Variants in NFATC3 observed in about 807,000 individuals in gnomAD.
NFATC3 encodes the protein nuclear factor of activated T cells 3, also known as nuclear factor of activated T-cells, cytoplasmic 3.
Under a neutral mutation model 98.6 loss-of-function variants are expected in NFATC3, and 46 were observed. The ratio of observed to expected loss-of-function variants is 0.47; its 90% CI spans 0.37 to 0.60. The LOEUF is 0.60. Ranked by LOEUF, NFATC3 falls within the 20% of genes least tolerant of loss-of-function variation. The probability of loss-of-function intolerance (pLI) is 0.00; values close to 1 mark genes in which losing one functional copy is unlikely to be tolerated. For synonymous variants in NFATC3, 512 were observed against 472.2 expected, an observed-to-expected ratio of 1.08 and a Z score of -1.09; for missense variants, 1,256 against 1,295.5, an observed-to-expected ratio of 0.97 and a Z score of 0.47.
chr16:68,145,129 C>G (rs1316356302), intron 3 of NFATC3, among the ~76,000 whole-genome samples: 2 of 151,060 alleles, frequency 1.3e-5, no homozygotes, highest in African/African-American at 4.9e-5. Context: ...TTCTTTCTCT[C>G]TCTCTTTTTT....
intron 9 of NFATC3, among the ~76,000 whole-genome samples, chr16:68,196,985 G>C (rs2040703486): frequency 6.6e-6 from 1 of 152,070 alleles, no homozygotes; most frequent in Admixed American, 6.6e-5. Flanking sequence ...AGCCGAGATT[G>C]CGCCATTGCA....
intron 4 of NFATC3, among the ~76,000 whole-genome samples, chr16:68,159,243 AAAAC>A (rs1210784025): frequency 3.9e-5 from 6 of 152,078 alleles, no homozygotes; most frequent in Non-Finnish European, 8.8e-5. Flanking sequence ...TTAAAAACAA[AAAAC>A]AAACAAAGCA....
chr16:68,102,330 C>CTACT (rs2035410269), intron 1 of NFATC3, among the ~76,000 whole-genome samples: 1 of 131,426 alleles, frequency 7.6e-6, no homozygotes, highest in Admixed American at 8.7e-5. Context: ...CGAGATTGCA[C>CTACT]TACTGCACTC....
rs1280444105 is a variant in NFATC3 at position 68,202,578 on chromosome 16, G to A, written c.3106+10803G>A. ...TGTAATCCCAGCACTTTGGGAGGCC[G>A]AGGCAGGTAGATCGCCTGAGGTCAA... On this transcript the variant is annotated intron_variant, in intron 9 of 9. Coordinates refer to ENST00000346183, the MANE Select transcript of NFATC3 (RefSeq NM_173165.3). Among the ~76,000 whole-genome samples, 11 of 152,242 alleles carry A rather than the reference G, an allele frequency of 7.2e-5. 1 individual carries two copies. Among genetic ancestry groups the A allele is most frequent in the Admixed American group, 2.6e-4 (4 of 15,276 alleles).
chr16:68,118,453 A>AGC (rs2036404087), intron 1 of NFATC3, among the ~76,000 whole-genome samples: 1 of 152,164 alleles, frequency 6.6e-6, no homozygotes, highest in African/African-American at 2.4e-5. Flanking sequence ...TGAATGAATG[A>AGC]GCACCTTCTT....
chr16:68,177,010 TTTTC>T (rs1364441661), intron 6 of NFATC3, among the ~76,000 whole-genome samples: 7 of 151,574 alleles, frequency 4.6e-5, no homozygotes, highest in Admixed American at 3.9e-4. Flanking sequence ...TCATATATAT[TTTTC>T]TTTCTTTCTT....
chr16:68,203,504 G>A (rs2041014053), intron 9 of NFATC3, among the ~76,000 whole-genome samples: 1 of 151,368 alleles, frequency 6.6e-6, no homozygotes, highest in Admixed American at 6.6e-5. Context: ...GTGGTGGCGT[G>A]TGCCTATAGT....
At chr16:68,218,514 C>CAAAAAAAAAAA (rs1326968858) in intron 9 of NFATC3, among the ~76,000 whole-genome samples, 8 of 59,428 alleles carry the variant, frequency 1.3e-4, no homozygotes, top group African/African-American at 5.0e-4. Context: ...GAGAGCCTCT[C>CAAAAAAAAAAA]AAAAAAAAAA....
At chr16:68,208,349 A>G (rs1307292836) in intron 9 of NFATC3, among the ~76,000 whole-genome samples, 1 of 152,140 alleles carries the variant, frequency 6.6e-6, no homozygotes, top group Non-Finnish European at 1.5e-5. Flanking sequence ...TTTTCAATGT[A>G]GAAATCTTAT....
intron 3 of NFATC3, among the ~76,000 whole-genome samples, chr16:68,130,476 C>T (rs933208619): frequency 6.6e-6 from 1 of 152,054 alleles, no homozygotes; most frequent in Non-Finnish European, 1.5e-5. Context: ...ATTTTAGATC[C>T]TTTGCCCACT....
intron 3 of NFATC3, among the ~76,000 whole-genome samples, chr16:68,128,539 T>A (rs977221023): frequency 6.6e-6 from 1 of 152,174 alleles, no homozygotes; most frequent in African/African-American, 2.4e-5. Flanking sequence ...GGTACATGAT[T>A]TGTTTCCACA....
intron 9 of NFATC3, among the ~76,000 whole-genome samples, chr16:68,218,629 A>G (rs1438232584): frequency 6.9e-6 from 1 of 145,022 alleles, no homozygotes; most frequent in Non-Finnish European, 1.5e-5. Flanking sequence ...GCTGGAGTGC[A>G]GTGTGCGATC....
chr16:68,155,960 G>T (rs1276672077), intron 3 of NFATC3, among the ~76,000 whole-genome samples: 1 of 152,092 alleles, frequency 6.6e-6, no homozygotes, highest in Non-Finnish European at 1.5e-5. Context: ...AGGAAAAGGT[G>T]GATTCCGTAT....
intron 2 of NFATC3, among the ~76,000 whole-genome samples, 165 bp downstream of exon 2, chr16:68,123,286 G>A (rs1453041564): frequency 6.6e-6 from 1 of 151,660 alleles, no homozygotes; most frequent in African/African-American, 2.4e-5. Flanking sequence ...ATTTTCATTT[G>A]CATCTTAAAA....
chr16:68,194,649 A>G (rs1408374149), intron 9 of NFATC3, among the ~76,000 whole-genome samples: 1 of 152,202 alleles, frequency 6.6e-6, no homozygotes, highest in African/African-American at 2.4e-5. Flanking sequence ...ATAACTGAAG[A>G]TAGGAGATTT....
intron 8 of NFATC3, among the ~76,000 whole-genome samples, chr16:68,186,940 G>A (rs184111747): frequency 5.8e-4 from 89 of 152,344 alleles, no homozygotes; most frequent in African/African-American, 2.1e-3. Flanking sequence ...TTTGCCAGCC[G>A]AAAACCCCTG....
intron 9 of NFATC3, among the ~76,000 whole-genome samples, chr16:68,215,949 C>T (rs1008795008): frequency 6.6e-6 from 1 of 151,966 alleles, no homozygotes; most frequent in Non-Finnish European, 1.5e-5. Context: ...AGGATGGTCT[C>T]GATGTCCTGA....
intron 9 of NFATC3, chr16:68,225,780 G>A (rs1457474644): frequency 6.6e-6 from 1 of 152,230 alleles, no homozygotes; most frequent in Non-Finnish European, 1.5e-5. Flanking sequence ...AGTTCTGTAA[G>A]ATGGAAATTC....
At chr16:68,208,379 A>G (rs1407332561) in intron 9 of NFATC3, among the ~76,000 whole-genome samples, 1 of 152,006 alleles carries the variant, frequency 6.6e-6, no homozygotes, top group African/African-American at 2.4e-5. Context: ...GTTAATTCCT[A>G]AGTATTTTAT....
Sources: allele counts gnomAD v4.1 joint callset (sites outside exome capture counted in the v4.1 genomes callset), GRCh38; gene constraint gnomAD v4.1.1; transcripts MANE v1.5; gene names NCBI Gene and HGNC (gene_info 2026-07-23, HGNC 2026-07-21).